Variants in LRRC20 observed in about 807,000 individuals in gnomAD.
The protein encoded by LRRC20 is leucine rich repeat containing 20.
Under a neutral mutation model 14.4 loss-of-function variants are expected in LRRC20, and 11 were observed. The observed-to-expected ratio is 0.77, with a 90% CI of 0.48 to 1.27. LRRC20 has a LOEUF of 1.27. LRRC20 is among the 50% of genes most tolerant of loss of function. LRRC20 has a pLI of 0.00. For synonymous variants in LRRC20, 121 were observed against 107.3 expected (o/e 1.13, Z -0.79); for missense variants, 219 against 251.2 (o/e 0.87, Z 0.87).
Position 70,300,397 on chromosome 10 carries a change from A to C in LRRC20, c.*957T>G. ...AGGGCCTCAGAAGAACCAGGTCATCAGGGCTTTGGGCGTTGGCCTGGGAGC... is the reference window on the plus strand; with the variant it reads ...AGGGCCTCAGAAGAACCAGGTCATCCGGGCTTTGGGCGTTGGCCTGGGAGC... On this transcript the variant is annotated 3_prime_UTR_variant, in exon 5 of 5. Coordinates refer to ENST00000446961, the MANE Select transcript of LRRC20 (RefSeq NM_001278212.2). The C allele has an allele frequency of 1.0e-6, 1 of 985,492 alleles. No homozygotes were observed. The highest frequency in any genetic ancestry group is 1.2e-6 in the Non-Finnish European group (1 of 829,970). 61.0% of individuals were successfully genotyped at this position (985,492 alleles called of 1,614,324 possible). A position where few individuals can be genotyped will look rare whatever the true frequency, so the allele number is the denominator to read the frequency against.
chr10:70,305,923 G>T (rs187308772), intron 4 of LRRC20, among the ~76,000 whole-genome samples: 1 of 152,148 alleles, frequency 6.6e-6, no homozygotes, highest in African/African-American at 2.4e-5. Flanking sequence ...TATATTTTTA[G>T]TAGAGACGGG....
chr10:70,378,773 CAAAA>C (rs58126984), intron 1 of LRRC20, among the ~76,000 whole-genome samples: 10 of 67,422 alleles, frequency 1.5e-4, no homozygotes, highest in South Asian at 5.5e-4. Context: ...ACCTCGCGCT[CAAAA>C]AAAAAAAAAA....
chr10:70,381,819 C>CA (rs1844717850), intron 1 of LRRC20: 1 of 152,366 alleles, frequency 6.6e-6, no homozygotes, highest in South Asian at 2.1e-4. Flanking sequence ...GGGACGTGAG[C>CA]GGGACCTGCT....
At chr10:70,306,020 C>T (rs1375754476) in intron 4 of LRRC20, among the ~76,000 whole-genome samples, 3 of 152,014 alleles carry the variant, frequency 2.0e-5, no homozygotes, top group African/African-American at 4.8e-5. Flanking sequence ...GATTCCAAGG[C>T]GTGAGCCACT....
intron 2 of LRRC20, among the ~76,000 whole-genome samples, chr10:70,352,969 A>G (rs1356285624): frequency 6.6e-6 from 1 of 152,136 alleles, no homozygotes; most frequent in Non-Finnish European, 1.5e-5. Context: ...AGGCAAAAAC[A>G]TCCCCAGAAA....
rs543097892 is a variant in LRRC20, at chr10:70,300,071, C to T, written c.*1283G>A. 1 of 152,464 alleles carries T rather than the reference C, an allele frequency of 6.6e-6. No individual in the cohort carries two copies. The highest frequency in any genetic ancestry group is 1.9e-4 in the East Asian group (1 of 5,204). 9.4% of individuals were successfully genotyped at this position (152,464 alleles called of 1,614,324 possible). A position where few individuals can be genotyped will look rare whatever the true frequency, so the allele number is the denominator to read the frequency against. ...CCTGGCTTTGCCTCAAGCTCTGGGG[C>T]CTCAGGTGTCTCTGGAGATGCAAAC... is the stretch of plus-strand genomic sequence containing the variant. On this transcript the variant is annotated 3_prime_UTR_variant, in exon 5 of 5. Transcript: ENST00000446961.
chr10:70,345,176 C>T (rs1843032465), intron 2 of LRRC20, among the ~76,000 whole-genome samples: 1 of 151,720 alleles, frequency 6.6e-6, no homozygotes. Context: ...TTATGTAGTT[C>T]AAAAAATATA....
At position 70,301,507 on chromosome 10, in the gene LRRC20, A is replaced by G; in HGVS notation, c.402T>C (p.Asp134=). 5 of 1,613,852 alleles carry G rather than the reference A, an allele frequency of 3.1e-6. No individual in the cohort carries two copies. The highest frequency in any genetic ancestry group is 4.2e-6 in the Non-Finnish European group (5 of 1,179,918). The part of the protein sequence containing the change: ...TINLEENEIV[D]VPVEKLAAMP... ...TGGCGGCCAGCTTCTCCACGGGCACATCTATTGGGGACAGAATGGACAGGT... is the reference window on the plus strand; with the variant it reads ...TGGCGGCCAGCTTCTCCACGGGCACGTCTATTGGGGACAGAATGGACAGGT... The change falls in exon 5 of 5, where the codon GAT becomes GAC. Residue 134 remains aspartate (D), a splice_region_variant and synonymous_variant. Coordinates refer to ENST00000446961, the MANE Select transcript of LRRC20 (RefSeq NM_001278212.2).
intron 2 of LRRC20, among the ~76,000 whole-genome samples, chr10:70,362,660 G>C (rs1843781064): frequency 6.6e-6 from 1 of 152,244 alleles, no homozygotes; most frequent in East Asian, 1.9e-4. Context: ...TGTCCTGACA[G>C]AGCTGACTCC....
At position 70,361,266 on chromosome 10, in the gene LRRC20, G is replaced by A. The variant is rs146892051; in HGVS notation, c.82+15186C>T. On this transcript the variant is annotated intron_variant, in intron 2 of 4. Coordinates refer to ENST00000446961, the MANE Select transcript of LRRC20 (RefSeq NM_001278212.2). Reference sequence around the variant, plus strand: ...GAAAATCAGATGCACTCACTCATCAGACAAATATTTCCTGAGTATCCACTA... The same window carrying A: ...GAAAATCAGATGCACTCACTCATCAAACAAATATTTCCTGAGTATCCACTA... 1.8e-3 allele frequency among the ~76,000 whole-genome samples: 274 copies of A among 152,286 alleles called. 2 individuals carry two copies. Among genetic ancestry groups the A allele is most frequent in the African/African-American group, 6.1e-3 (255 of 41,560 alleles).
chr10:70,354,604 C>G (rs1423539292), intron 2 of LRRC20, among the ~76,000 whole-genome samples: 1 of 152,194 alleles, frequency 6.6e-6, no homozygotes, highest in African/African-American at 2.4e-5. Flanking sequence ...CAGGCCTCCT[C>G]CTGATGTAGC....
chr10:70,376,526 T>C lies in LRRC20; in HGVS notation c.8A>G (p.Lys3Arg). 1 of 1,613,640 alleles carries C rather than the reference T, an allele frequency of 6.2e-7. No homozygotes were observed. Among genetic ancestry groups the C allele is most frequent in the Non-Finnish European group, 8.5e-7 (1 of 1,180,016 alleles). The change falls in exon 2 of 5, where the codon AAG becomes AGG. Residue 3 changes from lysine to arginine, a missense_variant. Coordinates refer to ENST00000446961, the MANE Select transcript of LRRC20 (RefSeq NM_001278212.2). ML[K>R]KMGEAVARVA... is the part of the protein sequence containing the mutation. The stretch of plus-strand genomic sequence containing the variant: ...TCTGGCCACGGCCTCACCCATCTTC[T>C]TCAGCATGCAGACACAGGTGTCCTG...
chr10:70,363,984 C>T (rs976661959), intron 2 of LRRC20, among the ~76,000 whole-genome samples: 2 of 152,238 alleles, frequency 1.3e-5, no homozygotes, highest in African/African-American at 4.8e-5. Context: ...CTCCCACCTG[C>T]TTCCTGCGAG....
Position 70,346,083 on chromosome 10 carries a change from T to C in LRRC20, c.83-5381A>G, listed in dbSNP as rs374769031. ...GCCTGGCCAACATGATGAAACCCTA[T>C]CTCTACTAAAAATACAAAATTTAGC... On this transcript the variant is annotated intron_variant, in intron 2 of 4. Coordinates refer to ENST00000446961, the MANE Select transcript of LRRC20 (RefSeq NM_001278212.2). 5.9e-5 allele frequency among the ~76,000 whole-genome samples: 9 copies of C among 152,172 alleles called. No homozygotes were observed. The East Asian group carries it at 1.7e-3, about 29-fold the overall frequency.
At chr10:70,356,679 C>T (rs1461088951) in intron 2 of LRRC20, among the ~76,000 whole-genome samples, 1 of 151,974 alleles carries the variant, frequency 6.6e-6, no homozygotes, top group African/African-American at 2.4e-5. Context: ...GGTGAAACCC[C>T]GTCTCTACTA....
chr10:70,357,900 C>T (rs75790490), intron 2 of LRRC20, among the ~76,000 whole-genome samples: 5,590 of 152,278 alleles, frequency 0.037, 161 homozygotes, highest in East Asian at 0.055. Context: ...ACAGCTGGTC[C>T]GAGTGGAGGA....
chr10:70,307,687 G>A (rs1427433128), intron 4 of LRRC20, among the ~76,000 whole-genome samples: 13 of 152,256 alleles, frequency 8.5e-5, no homozygotes, highest in Non-Finnish European at 1.3e-4. Flanking sequence ...CATGATAGTT[G>A]AGAGTGGGTG....
chr10:70,344,024 C>A (rs749051008), intron 2 of LRRC20, among the ~76,000 whole-genome samples: 2 of 151,954 alleles, frequency 1.3e-5, no homozygotes, highest in Non-Finnish European at 2.9e-5. Flanking sequence ...CATAGTGAGA[C>A]CCTGTCTCTA....
chr10:70,355,269 A>G (rs1843476145), intron 2 of LRRC20, among the ~76,000 whole-genome samples: 1 of 152,210 alleles, frequency 6.6e-6, no homozygotes, highest in Admixed American at 6.5e-5. Flanking sequence ...TGGCTCTAAA[A>G]GGCTTAAGAC....
Sources: gnomAD v4.1 joint callset for allele counts (sites outside exome capture counted in the v4.1 genomes callset) on GRCh38, gnomAD v4.1.1 for gene constraint, MANE v1.5 for transcripts, NCBI Gene and HGNC (gene_info 2026-07-23, HGNC 2026-07-21) for gene names.